RPF1: variants seen among roughly 807,000 people sequenced by gnomAD.
RPF1 encodes ribosome production factor 1 homolog.
RPF1 carries 34 observed loss-of-function variants against 41.9 expected under a neutral mutation model. That is an observed-to-expected ratio of 0.81 (90% CI 0.62 to 1.08). RPF1 has a LOEUF of 1.08. RPF1 is among the 50% of genes least tolerant of loss of function. The pLI is 0.00. For synonymous variants in RPF1, 140 were observed against 148.9 expected (o/e 0.94, Z 0.43); for missense variants, 425 against 435.2 (o/e 0.98, Z 0.21).
chr1:84,489,373 C>G (rs1232585029), intron 3 of RPF1, among the ~76,000 whole-genome samples: 1 of 151,846 alleles, frequency 6.6e-6, no homozygotes, highest in African/African-American at 2.4e-5. Flanking sequence ...GAAAGTAGTT[C>G]AAGAGTAAAC....
intron 3 of RPF1, among the ~76,000 whole-genome samples, chr1:84,488,712 GTAAATTTTACTTATTCTTATGATTTTGT>G (rs1681777902): frequency 6.6e-6 from 1 of 152,088 alleles, no homozygotes; most frequent in Admixed American, 6.5e-5. Flanking sequence ...TAAGGGTTAA[GTAAATTTTACTTATTCTTATGATTTTGT>G]TTTGTTTTGT....
At chr1:84,479,592 T>C (rs1344046082) in intron 1 of RPF1, 83 bp downstream of exon 1, 4 of 1,309,988 alleles carry the variant, frequency 3.1e-6, no homozygotes, top group Non-Finnish European at 4.3e-6. Context: ...TCTGTGGTTG[T>C]CTGCTGGTCT....
Position 84,486,141 on chromosome 1 carries a change from T to A in RPF1, c.366+3146T>A, listed in dbSNP as rs541948103. Among the ~76,000 whole-genome samples the A allele has an allele frequency of 6.7e-4, 102 of 152,188 alleles. 4 individuals are homozygous for A. Among genetic ancestry groups the A allele is most frequent in the African/African-American group, 2.2e-3 (93 of 41,516 alleles). ...CTTTTTAAGAATAACAAGGAGGCCA[T>A]TGTGACTGAAATCAAGCAAGGGAGA... On this transcript the variant is annotated intron_variant, in intron 3 of 8. Transcript: ENST00000370654.
At chr1:84,495,827 C>T (rs915132983) in intron 6 of RPF1, 55 bp from the exon 7 acceptor site, 7 of 1,136,976 alleles carry the variant, frequency 6.2e-6, no homozygotes, top group African/African-American at 3.1e-5. Context: ...TGCATTGGGA[C>T]GTATTGCCAA....
rs1681677093 is a variant in RPF1, at chr1:84,482,964, A to G, written c.335A>G (p.Asp112Gly). Residue 112 changes from aspartate (D) to glycine (G), a missense_variant, in exon 3 of 9, where the codon GAT (aspartate) becomes GGT (glycine). By Grantham distance (94) the Asp-to-Gly change is moderately conservative. Transcript: ENST00000370654. ...PKTIDNQRVY[D>G]ETTVDPNDEE... ...ACCATTGACAACCAGCGAGTGTATG[A>G]TGAAACCACAGTAGACCCTAATGAT... 2 of 1,610,308 alleles carry G rather than the reference A, an allele frequency of 1.2e-6. No individual in the cohort carries two copies. Among genetic ancestry groups the G allele is most frequent in the Admixed American group, 1.7e-5 (1 of 59,996 alleles).
Position 84,496,028 on chromosome 1 carries a change from CA to C in RPF1, c.848del (p.Asn283IlefsTer32). On this transcript the variant is annotated frameshift_variant, in exon 7 of 9. Coordinates refer to ENST00000370654, the MANE Select transcript of RPF1 (RefSeq NM_025065.7). LOFTEE classifies it high-confidence loss of function. The stretch of plus-strand genomic sequence containing the variant: ...TCGGAAGGCAGGTTGCCACATTCCA[CA>C]ATCAACGGGATTACATATTCTTCAG... ...FIGRQVATFH[N>X]QRDYIFFRFH... The C allele has an allele frequency of 6.2e-7, 1 of 1,612,532 alleles. No individual in the cohort carries two copies. Among genetic ancestry groups the C allele is most frequent in the Non-Finnish European group, 8.5e-7 (1 of 1,178,844 alleles).
intron 3 of RPF1, among the ~76,000 whole-genome samples, chr1:84,484,089 A>G (rs974231704): frequency 6.6e-6 from 1 of 152,242 alleles, no homozygotes; most frequent in African/African-American, 2.4e-5. Context: ...AGCTTACTAA[A>G]GGAAAATAGG....
intron 3 of RPF1, among the ~76,000 whole-genome samples, chr1:84,483,614 G>GTTAGACATTTTGATACCTAA (rs1419441088): frequency 6.6e-6 from 1 of 152,094 alleles, no homozygotes; most frequent in Non-Finnish European, 1.5e-5. Flanking sequence ...TGTAGTATTT[G>GTTAGACATTTTGATACCTAA]TTAGACATTT....
At chr1:84,494,102 CA>C (rs1286600407) in intron 5 of RPF1, among the ~76,000 whole-genome samples, 1 of 152,126 alleles carries the variant, frequency 6.6e-6, no homozygotes, top group African/African-American at 2.4e-5. Flanking sequence ...CTTATAGAAC[CA>C]AGGCCTAAGT....
At chr1:84,488,591 A>G (rs1377229758) in intron 3 of RPF1, among the ~76,000 whole-genome samples, 2 of 152,128 alleles carry the variant, frequency 1.3e-5, no homozygotes, top group Non-Finnish European at 2.9e-5. Flanking sequence ...CTAATGTCAA[A>G]TAAATAGAAA....
At position 84,496,271 on chromosome 1, in the gene RPF1, G is replaced by T. The variant is rs200372844; in HGVS notation, c.909G>T (p.Val303=). 50 of 1,613,192 alleles carry T rather than the reference G, an allele frequency of 3.1e-5. No individual in the cohort carries two copies. Among genetic ancestry groups the T allele is most frequent in the Non-Finnish European group, 4.2e-5 (49 of 1,179,480 alleles). Residue 303 remains valine (V), a synonymous_variant, in exon 8 of 9, where the codon GTG becomes GTT. Coordinates refer to ENST00000370654, the MANE Select transcript of RPF1 (RefSeq NM_025065.7). The part of the protein sequence containing the change: ...HRYIFRSEKK[V]GIQELGPRFT... ...ACATATTCAGGAGTGAAAAGAAAGT[G>T]GGAATTCAGGAACTTGGACCACGTT...
At chr1:84,487,658 T>A (rs913828159) in intron 3 of RPF1, among the ~76,000 whole-genome samples, 5 of 152,110 alleles carry the variant, frequency 3.3e-5, no homozygotes, top group Admixed American at 1.3e-4. Flanking sequence ...AAGAAACTTT[T>A]CTCTTTCCTG....
chr1:84,490,429 T>G lies in RPF1; in HGVS notation c.573T>G (p.Asp191Glu). 6.2e-7 allele frequency: 1 copy of G among 1,610,168 alleles called. No individual in the cohort carries two copies. The highest frequency in any genetic ancestry group is 8.5e-7 in the Non-Finnish European group (1 of 1,178,606). Residue 191 changes from aspartate to glutamate, a missense_variant, in exon 5 of 9, where the codon GAT becomes GAG. Transcript: ENST00000370654. ...KKIIPQCIARDFTDLIVINED... is the reference protein window; with the variant it reads ...KKIIPQCIAREFTDLIVINED... Reference sequence around the variant, plus strand: ...TTATTCCACAGTGCATCGCAAGAGATTTCACAGACCTGATTGTTATTAATG... The same window carrying G: ...TTATTCCACAGTGCATCGCAAGAGAGTTCACAGACCTGATTGTTATTAATG...
chr1:84,485,502 G>A (rs890547145), intron 3 of RPF1, among the ~76,000 whole-genome samples: 2 of 152,186 alleles, frequency 1.3e-5, no homozygotes, highest in African/African-American at 2.4e-5. Context: ...CCCACTTGTG[G>A]CGCCATGTTG....
intron 3 of RPF1, among the ~76,000 whole-genome samples, chr1:84,487,354 A>T (rs554066203): frequency 6.6e-6 from 1 of 152,228 alleles, no homozygotes; most frequent in Admixed American, 6.5e-5. Flanking sequence ...TTGTGGTTTG[A>T]ATTTGTATTT....
In RPF1 at chr1:84,497,454, G is replaced by T. The variant is rs987922676; in HGVS notation, c.1034G>T (p.Arg345Ile). 2 of 1,611,834 alleles carry T rather than the reference G, an allele frequency of 1.2e-6. No individual in the cohort carries two copies. Among genetic ancestry groups the T allele is most frequent in the Non-Finnish European group, 1.7e-6 (2 of 1,178,726 alleles). ...HKPREMDTSR[R>I]KFHL ...CCCCGGGAAATGGATACAAGTAGAA[G>T]AAAATTCCATTTATAAAGTACTGAG... The change falls in exon 9 of 9, where the codon AGA becomes ATA. Residue 345 changes from arginine (R) to isoleucine (I), a missense_variant. By Grantham distance (97) the Arg-to-Ile change is moderately conservative (BLOSUM62 -3). Coordinates refer to ENST00000370654, the MANE Select transcript of RPF1 (RefSeq NM_025065.7).
rs1570355154 is a variant in RPF1, at chr1:84,496,424, G to A, written c.1008+54G>A. On this transcript the variant is annotated intron_variant, in intron 8 of 8. Transcript: ENST00000370654. ...GTCATTTTTAAAGTATGGGATAAGAGGGTGGGAGGAGAGAGAGCATCAGGA... is the reference window on the plus strand; with the variant it reads ...GTCATTTTTAAAGTATGGGATAAGAAGGTGGGAGGAGAGAGAGCATCAGGA... The A allele has an allele frequency of 4.7e-6, 7 of 1,488,456 alleles. No individual in the cohort carries two copies. The East Asian group carries it at 1.4e-4, about 29-fold the overall frequency. 92.2% of individuals were successfully genotyped at this position (1,488,456 alleles called of 1,614,324 possible). A position where few individuals can be genotyped will look rare whatever the true frequency, so the allele number is the denominator to read the frequency against.
rs574792859 is a variant in RPF1 at position 84,497,564 on chromosome 1, T to A, written c.*94T>A. On this transcript the variant is annotated 3_prime_UTR_variant, in exon 9 of 9. Coordinates refer to ENST00000370654, the MANE Select transcript of RPF1 (RefSeq NM_025065.7). ...CAGAATACTCTTTTCAAAATGGCAT[T>A]TGCTGATTTCATAAACCTTTCACGT... 2 of 926,274 alleles carry A rather than the reference T, an allele frequency of 2.2e-6. No homozygotes were observed. The highest frequency in any genetic ancestry group is 3.3e-6 in the Non-Finnish European group (2 of 614,206). 57.4% of individuals were successfully genotyped at this position (926,274 alleles called of 1,614,324 possible).
At chr1:84,480,726 A>T (rs1370834640) in intron 1 of RPF1, among the ~76,000 whole-genome samples, 8 of 152,252 alleles carry the variant, frequency 5.3e-5, no homozygotes, top group Non-Finnish European at 1.2e-4. Flanking sequence ...TTGCCAGTTT[A>T]GATTTTTTTA....
Sources: allele counts gnomAD v4.1 joint callset (sites outside exome capture counted in the v4.1 genomes callset), GRCh38; gene constraint gnomAD v4.1.1; transcripts MANE v1.5; gene names NCBI Gene and HGNC (gene_info 2026-07-23, HGNC 2026-07-21).